Variants in MACROD1 observed in about 807,000 individuals in gnomAD.
MACROD1 encodes ADP-ribose glycohydrolase MACROD1.
MACROD1 carries 31 observed loss-of-function variants against 41.4 expected under a neutral mutation model. That is an observed-to-expected ratio of 0.75 (90% CI 0.56 to 1.01). MACROD1 has a LOEUF of 1.01. Ranked by LOEUF, MACROD1 falls within the 50% of genes least tolerant of loss-of-function variation. The pLI is 0.00. For synonymous variants in MACROD1, 252 were observed against 203.4 expected, an observed-to-expected ratio of 1.24 and a Z score of -2.03; for missense variants, 473 against 460.0, an observed-to-expected ratio of 1.03 and a Z score of -0.26.
At chr11:64,049,010 C>G (rs547888424) in intron 3 of MACROD1, among the ~76,000 whole-genome samples, 1 of 152,184 alleles carries the variant, frequency 6.6e-6, no homozygotes. Context: ...ACTGGGGTGC[C>G]GGCTGCCTCC....
chr11:64,148,448 T>C (rs1207341540), intron 3 of MACROD1, among the ~76,000 whole-genome samples: 1 of 152,162 alleles, frequency 6.6e-6, no homozygotes, highest in Non-Finnish European at 1.5e-5. Flanking sequence ...CCCAGCCCAG[T>C]GTGACCCACG....
At chr11:64,094,590 C>T (rs1377178277) in intron 3 of MACROD1, among the ~76,000 whole-genome samples, 4 of 152,178 alleles carry the variant, frequency 2.6e-5, no homozygotes, top group African/African-American at 7.2e-5. Context: ...CCTGCCTAAC[C>T]GCAGGCTGAC....
intron 3 of MACROD1, among the ~76,000 whole-genome samples, chr11:64,091,913 C>T (rs1944497743): frequency 6.6e-6 from 1 of 152,186 alleles, no homozygotes; most frequent in Admixed American, 6.5e-5. Context: ...CTCTGTGTCC[C>T]GAGGCCTCTC....
intron 1 of MACROD1, 26 bp from the exon 2 acceptor site, chr11:64,152,419 G>A: frequency 1.3e-6 from 2 of 1,586,880 alleles, no homozygotes; most frequent in Non-Finnish European, 1.7e-6. Context: ...GGAGGATCAG[G>A]GTGGGGGCAG....
intron 3 of MACROD1, chr11:64,116,787 G>A (rs1163223569): frequency 3.1e-6 from 5 of 1,613,410 alleles, no homozygotes; most frequent in Non-Finnish European, 4.2e-6. Flanking sequence ...GGACGCCTTC[G>A]CCGACAGCAA....
chr11:64,091,627 C>T (rs1297122408), intron 3 of MACROD1, among the ~76,000 whole-genome samples: 2 of 152,136 alleles, frequency 1.3e-5, no homozygotes, highest in Non-Finnish European at 2.9e-5. Context: ...CCGCCACCAT[C>T]CCCCCATCCG....
At chr11:64,021,041 C>T (rs774960555) in intron 3 of MACROD1, among the ~76,000 whole-genome samples, 1 of 152,194 alleles carries the variant, frequency 6.6e-6, no homozygotes, top group Non-Finnish European at 1.5e-5. Context: ...TTGATACCCC[C>T]ACTCCTGCCC....
At chr11:64,110,783 G>C (rs996017947) in intron 3 of MACROD1, among the ~76,000 whole-genome samples, 3 of 152,186 alleles carry the variant, frequency 2.0e-5, no homozygotes, top group Non-Finnish European at 2.9e-5. Flanking sequence ...CGATTTACCA[G>C]GTTTAATTTG....
intron 1 of MACROD1, among the ~76,000 whole-genome samples, chr11:64,156,362 G>A (rs1048278727): frequency 1.3e-5 from 2 of 152,210 alleles, no homozygotes; most frequent in Admixed American, 1.3e-4. Flanking sequence ...ATGCCACTGT[G>A]TGGGCACTCC....
rs1246744128 is a variant in MACROD1, at chr11:64,154,083, CA to C, written c.299-1691del. Among the ~76,000 whole-genome samples, 3 of 152,282 alleles carry C rather than the reference CA, an allele frequency of 2.0e-5. No homozygotes were observed. The East Asian group carries it at 5.8e-4, about 29-fold the overall frequency. On this transcript the variant is annotated intron_variant, in intron 1 of 10. Coordinates refer to ENST00000255681, the MANE Select transcript of MACROD1 (RefSeq NM_014067.4). The stretch of plus-strand genomic sequence containing the variant: ...CGGCCCCTCCTGCCTTCCCTGTGGA[CA>C]GGAAGTGTCCTTGCTGCTTTCCTCC...
At chr11:64,002,625 C>T (rs1297647564) in intron 4 of MACROD1, among the ~76,000 whole-genome samples, 1 of 152,162 alleles carries the variant, frequency 6.6e-6, no homozygotes, top group Non-Finnish European at 1.5e-5. Context: ...TGTCCACACA[C>T]CAGCCTTCTC....
intron 3 of MACROD1, among the ~76,000 whole-genome samples, chr11:64,069,018 CAGAAA>C (rs1343062578): frequency 6.6e-6 from 1 of 151,630 alleles, no homozygotes; most frequent in Admixed American, 6.6e-5. Context: ...CAGCTTGGGA[CAGAAA>C]AGAAGAGGGA....
chr11:64,054,080 C>T (rs558711837), intron 3 of MACROD1, among the ~76,000 whole-genome samples: 1 of 152,112 alleles, frequency 6.6e-6, no homozygotes, highest in Non-Finnish European at 1.5e-5. Flanking sequence ...CCTCCACCTG[C>T]GAATGGGGAT....
At chr11:64,165,558 T>G in intron 1 of MACROD1, 139 bp downstream of exon 1, 3 of 662,246 alleles carry the variant, frequency 4.5e-6, no homozygotes, top group Non-Finnish European at 6.8e-6. Flanking sequence ...GGAGGAGGGG[T>G]CCGTTCCAGG....
intron 3 of MACROD1, among the ~76,000 whole-genome samples, chr11:64,087,635 C>T (rs1944418021): frequency 1.3e-5 from 2 of 152,236 alleles, no homozygotes; most frequent in Non-Finnish European, 2.9e-5. Flanking sequence ...CCCCAGCCAC[C>T]CTGCAGGACA....
chr11:64,089,522 C>T (rs889808361), intron 3 of MACROD1, among the ~76,000 whole-genome samples: 4 of 152,222 alleles, frequency 2.6e-5, no homozygotes, highest in African/African-American at 9.7e-5. Context: ...CTCCAGCCTC[C>T]TCCTGTTATC....
intron 3 of MACROD1, among the ~76,000 whole-genome samples, chr11:64,063,433 G>A (rs1943940511): frequency 6.6e-6 from 1 of 152,084 alleles, no homozygotes; most frequent in African/African-American, 2.4e-5. Flanking sequence ...GAGAGGAGGA[G>A]GACTTCCAGG....
intron 3 of MACROD1, among the ~76,000 whole-genome samples, chr11:64,148,496 A>G (rs981914947): frequency 7.2e-5 from 11 of 152,188 alleles, no homozygotes; most frequent in African/African-American, 2.7e-4. Context: ...CGGGGCCAGC[A>G]CTGCTCCTGG....
intron 3 of MACROD1, among the ~76,000 whole-genome samples, chr11:64,147,154 C>T (rs1381319592): frequency 2.6e-5 from 4 of 152,120 alleles, no homozygotes; most frequent in Non-Finnish European, 5.9e-5. Flanking sequence ...CAGCCTCGAC[C>T]TCCCAGGCTC....
Sources: gnomAD v4.1 joint callset for allele counts (sites outside exome capture counted in the v4.1 genomes callset) on GRCh38, gnomAD v4.1.1 for gene constraint, MANE v1.5 for transcripts, NCBI Gene and HGNC (gene_info 2026-07-23, HGNC 2026-07-21) for gene names.